Variants in UBAC2 observed in about 807,000 individuals in gnomAD.
The protein encoded by UBAC2 is UBA domain containing 2, also known as ubiquitin-associated domain-containing protein 2.
A neutral mutation model predicts 44.0 loss-of-function variants in UBAC2; 26 were observed. The observed-to-expected ratio is 0.59, with a 90% CI of 0.43 to 0.82. The LOEUF (loss-of-function observed/expected upper bound fraction) is 0.82, where lower values mean the gene tolerates loss of function less well. UBAC2 is among the 40% of genes least tolerant of loss of function. The pLI, the probability that UBAC2 is intolerant of heterozygous loss-of-function variation, is 0.00. For missense variants in UBAC2, 329 were observed against 419.4 expected (o/e 0.78, Z 1.88); for synonymous variants, 155 against 154.3 (o/e 1.00, Z -0.04).
At position 99,385,658 on chromosome 13, in the gene UBAC2, G is replaced by C; in HGVS notation, c.*323G>C. ...CAGGCAGTTGAATGGCACTCCAGAT[G>C]GGGAATTGCTGTAACCCTCTTACTG... On this transcript the variant is annotated 3_prime_UTR_variant, in exon 9 of 9. Transcript: ENST00000403766. The C allele has an allele frequency of 3.3e-6, 1 of 303,100 alleles. No individual in the cohort carries two copies. Among genetic ancestry groups the C allele is most frequent in the Non-Finnish European group, 6.3e-6 (1 of 157,830 alleles). 18.8% of individuals were successfully genotyped at this position (303,100 alleles called of 1,614,324 possible). A position where few individuals can be genotyped will look rare whatever the true frequency, so the allele number is the denominator to read the frequency against.
At chr13:99,304,951 G>C (rs996509223) in intron 4 of UBAC2, among the ~76,000 whole-genome samples, 1 of 152,212 alleles carries the variant, frequency 6.6e-6, no homozygotes, top group African/African-American at 2.4e-5. Context: ...GAGAGACTAG[G>C]AGAACTGGGG....
chr13:99,346,773 C>G (rs1018132935), intron 7 of UBAC2, among the ~76,000 whole-genome samples: 2 of 152,234 alleles, frequency 1.3e-5, no homozygotes, highest in Non-Finnish European at 2.9e-5. Flanking sequence ...TCTCGTGGCA[C>G]CGCAAACCCG....
At chr13:99,230,509 C>G (rs9517654) in intron 1 of UBAC2, among the ~76,000 whole-genome samples, 71,013 of 151,976 alleles carry the variant, frequency 0.47, 19,024 homozygotes, top group Non-Finnish European at 0.62. Flanking sequence ...ATTTATTATC[C>G]TACAGTTTGG....
chr13:99,314,755 A>G (rs764103904), intron 5 of UBAC2: 1 of 152,634 alleles, frequency 6.6e-6, no homozygotes, highest in African/African-American at 2.4e-5. Flanking sequence ...TGTGAAGACT[A>G]CTAGAGTACT....
intron 8 of UBAC2, chr13:99,377,190 C>T (rs2045492490): frequency 7.9e-6 from 1 of 126,078 alleles, no homozygotes; most frequent in Non-Finnish European, 1.9e-5. Flanking sequence ...GGAAGCAAGC[C>T]AGGCCTGGTG....
intron 1 of UBAC2, among the ~76,000 whole-genome samples, chr13:99,207,207 A>G (rs1301388615): frequency 6.6e-6 from 1 of 152,200 alleles, no homozygotes; most frequent in African/African-American, 2.4e-5. Flanking sequence ...AGGGCAGAGT[A>G]TAGAGGTGTA....
intron 5 of UBAC2, among the ~76,000 whole-genome samples, chr13:99,317,350 T>G (rs1031640408): frequency 6.6e-6 from 1 of 152,122 alleles, no homozygotes; most frequent in Non-Finnish European, 1.5e-5. Flanking sequence ...AGAGTCCTTA[T>G]GATTTTTTTT....
At chr13:99,297,672 A>T (rs755822067) in intron 4 of UBAC2, among the ~76,000 whole-genome samples, 9 of 152,182 alleles carry the variant, frequency 5.9e-5, no homozygotes, top group Non-Finnish European at 1.3e-4. Context: ...ACATTTTATT[A>T]TCCAGAAAAG....
At chr13:99,261,113 G>A (rs2138642934) in intron 4 of UBAC2, among the ~76,000 whole-genome samples, 1 of 152,342 alleles carries the variant, frequency 6.6e-6, no homozygotes, top group East Asian at 1.9e-4. Flanking sequence ...TGTTAGCATA[G>A]CAAGTGTGAG....
chr13:99,294,893 ATGTT>A (rs1298132079), intron 4 of UBAC2: 1 of 642,940 alleles, frequency 1.6e-6, no homozygotes, highest in Non-Finnish European at 2.6e-6. Context: ...TGTTTGCTTT[ATGTT>A]GTTCTCTTGG....
chr13:99,248,213 T>G (rs919318305), intron 4 of UBAC2, among the ~76,000 whole-genome samples: 1 of 152,146 alleles, frequency 6.6e-6, no homozygotes, highest in African/African-American at 2.4e-5. Flanking sequence ...TGAGTCTTAT[T>G]TCCTTTCTTT....
chr13:99,295,734 G>A lies in UBAC2; in HGVS notation c.390-18363G>A, dbSNP rs775497626. The A allele has an allele frequency of 1.1e-5, 18 of 1,613,954 alleles. No individual in the cohort carries two copies. The highest frequency in any genetic ancestry group is 1.6e-4 in the Middle Eastern group (1 of 6,084). Reference sequence around the variant, plus strand: ...TCAATCCTTTTTATCTTGTTGTAGCGTAGAGGGTGCACCACAGCAATGAAG... The same window carrying A: ...TCAATCCTTTTTATCTTGTTGTAGCATAGAGGGTGCACCACAGCAATGAAG... On this transcript the variant is annotated intron_variant, in intron 4 of 8. Transcript: ENST00000403766. This position sits in a 1 kb window ranked among gnomAD's most constrained non-coding sequence, Gnocchi z 4.1.
At chr13:99,225,442 A>G (rs937360942) in intron 1 of UBAC2, among the ~76,000 whole-genome samples, 1 of 152,244 alleles carries the variant, frequency 6.6e-6, no homozygotes, top group Admixed American at 6.5e-5. Context: ...TTCACATAGC[A>G]TAATGTCCTC....
At chr13:99,360,187 T>C (rs770525982) in intron 7 of UBAC2, among the ~76,000 whole-genome samples, 1 of 152,190 alleles carries the variant, frequency 6.6e-6, no homozygotes, top group African/African-American at 2.4e-5. Flanking sequence ...CTGGGAAATA[T>C]GTTCAGGTCT....
At chr13:99,254,752 TGAA>T in intron 4 of UBAC2, 1 of 714,808 alleles carries the variant, frequency 1.4e-6, no homozygotes, top group African/African-American at 1.8e-5. Context: ...GTTTTTAAAA[TGAA>T]GATAATGAAT....
At chr13:99,345,256 C>A (rs1236131710) in intron 7 of UBAC2, among the ~76,000 whole-genome samples, 1 of 152,130 alleles carries the variant, frequency 6.6e-6, no homozygotes, top group African/African-American at 2.4e-5. Context: ...TTAAGCCTGA[C>A]AATAGATTTC....
chr13:99,253,575 G>A (rs548931883), intron 4 of UBAC2, among the ~76,000 whole-genome samples: 8 of 151,832 alleles, frequency 5.3e-5, no homozygotes, highest in African/African-American at 1.7e-4. Context: ...GTGCAATGGC[G>A]CAATCTCGGC....
At chr13:99,268,065 G>A (rs1392366929) in intron 4 of UBAC2, among the ~76,000 whole-genome samples, 2 of 152,164 alleles carry the variant, frequency 1.3e-5, no homozygotes, top group Non-Finnish European at 2.9e-5. Flanking sequence ...AGGAGGGATT[G>A]CCTTTCCCCA....
chr13:99,320,338 A>G (rs1231472143), intron 6 of UBAC2, among the ~76,000 whole-genome samples: 1 of 152,190 alleles, frequency 6.6e-6, no homozygotes, highest in Non-Finnish European at 1.5e-5. Context: ...AAGGAATCAG[A>G]CGTTTAAAAT....
Sources: allele counts gnomAD v4.1 joint callset (sites outside exome capture counted in the v4.1 genomes callset), GRCh38; gene constraint gnomAD v4.1.1; non-coding constraint Gnocchi (gnomAD v3.1); transcripts MANE v1.5; gene names NCBI Gene and HGNC (gene_info 2026-07-23, HGNC 2026-07-21).